Variants in MYBPC1 observed in about 807,000 individuals in gnomAD.
MYBPC1 encodes myosin-binding protein C, slow-type.
Under a neutral mutation model 147.1 loss-of-function variants are expected in MYBPC1, and 52 were observed. The observed-to-expected ratio is 0.35, with a 90% confidence interval of 0.28 to 0.45. The LOEUF is 0.45. Among genes scored for constraint, MYBPC1 ranks in the 20% least tolerant of loss-of-function variants. The probability of loss-of-function intolerance (pLI) is 1.00; values close to 1 mark genes in which losing one functional copy is unlikely to be tolerated. For synonymous variants in MYBPC1, 477 were observed against 475.9 expected (o/e 1.00, Z -0.03); for missense variants, 1,228 against 1,440.3 (o/e 0.85, Z 2.39).
intron 1 of MYBPC1, among the ~76,000 whole-genome samples, chr12:101,604,729 T>C (rs1042103205): frequency 6.6e-6 from 1 of 152,178 alleles, no homozygotes; most frequent in Non-Finnish European, 1.5e-5. Flanking sequence ...TATTTTGAAT[T>C]TCTTTCCAAT....
the MYBPC1 span, among the ~76,000 whole-genome samples, chr12:101,694,397 C>T: frequency 6.6e-6 from 1 of 152,288 alleles, no homozygotes; most frequent in African/African-American, 2.4e-5. Context: ...GAATGGTATC[C>T]TGCCCCTGCT....
rs1204274109 is a variant in MYBPC1 at position 101,678,145 on chromosome 12, A to G, written c.3153A>G (p.Ser1051=). Residue 1051 remains serine (S), a synonymous_variant, in exon 28 of 32, where the codon TCA becomes TCG. Coordinates refer to ENST00000361466, the MANE Select transcript of MYBPC1 (RefSeq NM_002465.4). ...CAGTGTATGAAGACTTTGATTTCTC[A>G]GAGGCACCCATGTTTACTCAGCCTT... The part of the protein sequence containing the change: ...KNPVYEDFDF[S]EAPMFTQPLV... 4 of 1,613,920 alleles carry G rather than the reference A, an allele frequency of 2.5e-6. No homozygotes were observed. The African/African-American group carries it at 4.0e-5, about 16-fold the overall frequency.
intron 1 of MYBPC1, among the ~76,000 whole-genome samples, chr12:101,602,067 C>T (rs1880246893): frequency 6.6e-6 from 1 of 152,156 alleles, no homozygotes; most frequent in Non-Finnish European, 1.5e-5. Flanking sequence ...ACATTCTAGA[C>T]AGCTCAAATT....
Position 101,680,433 on chromosome 12 carries a change from A to G in MYBPC1, c.3337A>G (p.Ile1113Val), listed in dbSNP as rs371488909. The part of the protein sequence containing the change: ...FSNQGVCTLE[I>V]RKPSPYDGGT... ...CAACCAGGGAGTCTGTACCCTGGAA[A>G]TTCGCAAGCCCAGCCCCTATGATGG... Residue 1113 changes from isoleucine to valine, a missense_variant, in exon 29 of 32, where the codon ATT (isoleucine) becomes GTT (valine). Coordinates refer to ENST00000361466, the MANE Select transcript of MYBPC1 (RefSeq NM_002465.4). 6.2e-7 allele frequency: 1 copy of G among 1,614,026 alleles called. No homozygotes were observed.
At chr12:101,687,644 C>T (rs761598922), downstream of MYBPC1, among the ~76,000 whole-genome samples, 8 of 152,174 alleles carry the variant, frequency 5.3e-5, no homozygotes, top group Non-Finnish European at 8.8e-5. Context: ...TATGTACAAA[C>T]CAAAGAAATG....
intron 18 of MYBPC1, among the ~76,000 whole-genome samples, chr12:101,654,579 A>G (rs1328113183): frequency 6.6e-6 from 1 of 152,220 alleles, no homozygotes; most frequent in Non-Finnish European, 1.5e-5. Flanking sequence ...CATACTATAC[A>G]TACTGGAGGA....
intron 3 of MYBPC1, among the ~76,000 whole-genome samples, chr12:101,622,970 GTGCATGTCCTCCAAA>G (rs1387277816): frequency 6.6e-6 from 1 of 152,154 alleles, no homozygotes; most frequent in Non-Finnish European, 1.5e-5. Context: ...TAAAACAACT[GTGCATGTCCTCCAAA>G]TAGTCTTAAC....
At chr12:101,603,813 T>G (rs1467972161) in intron 1 of MYBPC1, among the ~76,000 whole-genome samples, 1 of 152,174 alleles carries the variant, frequency 6.6e-6, no homozygotes, top group Non-Finnish European at 1.5e-5. Flanking sequence ...GGTGTACACC[T>G]GTAGTCCCAG....
the MYBPC1 span, among the ~76,000 whole-genome samples, chr12:101,693,780 G>T: frequency 6.6e-6 from 1 of 151,788 alleles, no homozygotes; most frequent in Non-Finnish European, 1.5e-5. Context: ...AGAAATTTTA[G>T]CTGGGCAGGT....
At chr12:101,625,482 A>T (rs1384696862) in intron 3 of MYBPC1, among the ~76,000 whole-genome samples, 1 of 152,174 alleles carries the variant, frequency 6.6e-6, no homozygotes, top group East Asian at 1.9e-4. Context: ...AACTGGAGAG[A>T]TTTTATTTAT....
chr12:101,644,511 C>G (rs1234033054), intron 11 of MYBPC1, among the ~76,000 whole-genome samples, 153 bp from the exon 12 acceptor site: 1 of 152,084 alleles, frequency 6.6e-6, no homozygotes, highest in Admixed American at 6.5e-5. Flanking sequence ...ACACAGTGTT[C>G]GAAATATAAA....
At chr12:101,643,373 G>A (rs1892456790) in intron 11 of MYBPC1, among the ~76,000 whole-genome samples, 1 of 152,076 alleles carries the variant, frequency 6.6e-6, no homozygotes, top group Non-Finnish European at 1.5e-5. Flanking sequence ...CAGAACTCCT[G>A]AAGTTATATT....
chr12:101,630,666 T>C (rs1889696336), intron 6 of MYBPC1, among the ~76,000 whole-genome samples: 1 of 152,232 alleles, frequency 6.6e-6, no homozygotes, highest in Admixed American at 6.5e-5. Context: ...ATATTGATTA[T>C]ATACCTCCTG....
chr12:101,684,455 G>A, intron 31 of MYBPC1, 31 bp downstream of exon 31: 1 of 1,513,672 alleles, frequency 6.6e-7, no homozygotes, highest in Admixed American at 1.7e-5. Context: ...GGCATATGAA[G>A]CTTATGACTG....
At chr12:101,608,530 T>C (rs1207220893) in intron 1 of MYBPC1, among the ~76,000 whole-genome samples, 1 of 152,250 alleles carries the variant, frequency 6.6e-6, no homozygotes, top group Non-Finnish European at 1.5e-5. Context: ...CTCACCTCAA[T>C]AAATATCGGT....
At chr12:101,650,533 T>A (rs967462127) in intron 15 of MYBPC1, among the ~76,000 whole-genome samples, 1 of 152,136 alleles carries the variant, frequency 6.6e-6, no homozygotes, top group Non-Finnish European at 1.5e-5. Flanking sequence ...TCAGATCTCA[T>A]GAGAACTCAG....
intron 26 of MYBPC1, among the ~76,000 whole-genome samples, chr12:101,676,187 CT>C: frequency 6.6e-6 from 1 of 152,288 alleles, no homozygotes; most frequent in Middle Eastern, 3.4e-3. Context: ...TTGAAAACCC[CT>C]GGCTTAATGT....
At chr12:101,643,721 T>G (rs960582585) in intron 11 of MYBPC1, among the ~76,000 whole-genome samples, 1 of 152,176 alleles carries the variant, frequency 6.6e-6, no homozygotes, top group African/African-American at 2.4e-5. Context: ...TATCTTTATT[T>G]AGGACCCTTC....
intron 10 of MYBPC1, 102 bp downstream of exon 10, chr12:101,636,830 C>G: frequency 1.0e-6 from 1 of 975,790 alleles, no homozygotes; most frequent in Non-Finnish European, 1.6e-6. Context: ...GAGAATTTTT[C>G]ATTTCTGAAA....
Sources: gnomAD v4.1 joint callset for allele counts (sites outside exome capture counted in the v4.1 genomes callset) on GRCh38, gnomAD v4.1.1 for gene constraint, MANE v1.5 for transcripts, NCBI Gene and HGNC (gene_info 2026-07-23, HGNC 2026-07-21) for gene names.